Variants in TMEM39B observed in about 807,000 individuals in gnomAD.
TMEM39B encodes transmembrane protein 39B.
A neutral mutation model predicts 52.2 loss-of-function variants in TMEM39B; 23 were observed. The ratio of observed to expected loss-of-function variants is 0.44; its 90% confidence interval spans 0.32 to 0.62. The LOEUF (loss-of-function observed/expected upper bound fraction) is 0.62. Among genes scored for constraint, TMEM39B ranks in the 20% least tolerant of loss-of-function variants. The pLI, the probability that TMEM39B is intolerant of heterozygous loss-of-function variation, is 0.06. For missense variants in TMEM39B, 547 were observed against 642.0 expected, an observed-to-expected ratio of 0.85 and a Z score of 1.60; for synonymous variants, 285 against 264.0, an observed-to-expected ratio of 1.08 and a Z score of -0.77.
chr1:32,077,666 T>C (rs1639923298), intron 5 of TMEM39B, among the ~76,000 whole-genome samples: 1 of 152,098 alleles, frequency 6.6e-6, no homozygotes, highest in South Asian at 2.1e-4. Flanking sequence ...TCTCTGTGTC[T>C]CTCTTTGTGT....
Position 32,075,966 on chromosome 1 carries a change from G to A in TMEM39B, c.351+144G>A, listed in dbSNP as rs1639841208. 3 of 586,560 alleles carry A rather than the reference G, an allele frequency of 5.1e-6. No homozygotes were observed. In the East Asian group the frequency reaches 8.5e-5, roughly 17 times the overall value. 36.3% of individuals were successfully genotyped at this position (586,560 alleles called of 1,614,324 possible). A position where few individuals can be genotyped will look rare whatever the true frequency, so the allele number is the denominator to read the frequency against. Reference sequence around the variant, plus strand: ...CTCCATGCTGAACATGGAAGGTGCTGAAGGAACAGGAAACTGATGATTCAC... The same window carrying A: ...CTCCATGCTGAACATGGAAGGTGCTAAAGGAACAGGAAACTGATGATTCAC... On this transcript the variant is annotated intron_variant, in intron 3 of 8. Coordinates refer to ENST00000336294, the MANE Select transcript of TMEM39B (RefSeq NM_018056.4).
intron 1 of TMEM39B, 106 bp downstream of exon 1, chr1:32,073,157 G>C (rs1400264252): frequency 6.0e-6 from 8 of 1,339,136 alleles, no homozygotes; most frequent in Middle Eastern, 2.1e-4. Flanking sequence ...GGTGACGGGA[G>C]GGGGAGGGGA....
rs200537356 is a variant in TMEM39B at position 32,102,383 on chromosome 1, A to G, written c.1237-48A>G. 27 of 1,579,678 alleles carry G rather than the reference A, an allele frequency of 1.7e-5. No homozygotes were observed. The African/African-American group carries it at 3.2e-4, about 19-fold the overall frequency. On this transcript the variant is annotated intron_variant, in intron 8 of 8. Coordinates refer to ENST00000336294, the MANE Select transcript of TMEM39B (RefSeq NM_018056.4). ...CACCCAGAACCCCCATCCAGGAGGAAGATTTCTGGAGCACACCTTTTAGCC... is the reference window on the plus strand; with the variant it reads ...CACCCAGAACCCCCATCCAGGAGGAGGATTTCTGGAGCACACCTTTTAGCC...
chr1:32,094,699 C>A, intron 6 of TMEM39B, 85 bp from the exon 7 acceptor site: 1 of 1,482,798 alleles, frequency 6.7e-7, no homozygotes, highest in Non-Finnish European at 9.3e-7. Context: ...CTGTCCTAAC[C>A]TCTCAGTCAG....
At position 32,075,829 on chromosome 1, in the gene TMEM39B, A is replaced by C; in HGVS notation, c.351+7A>C. On this transcript the variant is annotated splice_region_variant and intron_variant, in intron 3 of 8. Transcript: ENST00000336294. Reference sequence around the variant, plus strand: ...ACCCTCCCACACCTCCCTGGTAGGTACCCAACAAGGGTGTGTGTGTGTGTG... The same window carrying C: ...ACCCTCCCACACCTCCCTGGTAGGTCCCCAACAAGGGTGTGTGTGTGTGTG... The C allele has an allele frequency of 7.0e-7, 1 of 1,426,726 alleles. No homozygotes were observed. The highest frequency in any genetic ancestry group is 9.4e-7 in the Non-Finnish European group (1 of 1,058,858). The allele number at this position is 1,426,726 out of a possible 1,614,324, so 88.4% of individuals were successfully genotyped here.
intron 5 of TMEM39B, among the ~76,000 whole-genome samples, chr1:32,091,219 T>C (rs1640589921): frequency 1.3e-5 from 2 of 152,146 alleles, no homozygotes; most frequent in Admixed American, 6.6e-5. Context: ...GTGTAAGCTT[T>C]GGGAATTTAC....
At position 32,076,807 on chromosome 1, in the gene TMEM39B, C is replaced by T. The variant is rs767866905; in HGVS notation, c.396C>T (p.Ile132=). Residue 132 remains isoleucine, a synonymous_variant, in exon 4 of 9, where the codon ATC becomes ATT. Coordinates refer to ENST00000336294, the MANE Select transcript of TMEM39B (RefSeq NM_018056.4). ...TCAACTTGCTGATGGTGACCACCAT[C>T]GTTCTGGGCCGCCGCTTCATTGGGT... ...IDFNLLMVTT[I]VLGRRFIGSI... The T allele has an allele frequency of 5.0e-6, 8 of 1,613,994 alleles. No individual in the cohort carries two copies. The highest frequency in any genetic ancestry group is 3.3e-5 in the South Asian group (3 of 91,070).
At chr1:32,100,671 A>G in intron 8 of TMEM39B, 109 bp downstream of exon 8, 3 of 1,459,862 alleles carry the variant, frequency 2.1e-6, no homozygotes, top group Non-Finnish European at 2.8e-6. Context: ...GTATTTCCCC[A>G]ATCCAAAGGA....
chr1:32,080,713 A>G (rs1640060203), intron 5 of TMEM39B, among the ~76,000 whole-genome samples: 1 of 151,002 alleles, frequency 6.6e-6, no homozygotes, highest in Non-Finnish European at 1.5e-5. Flanking sequence ...TTAATTTGAC[A>G]GTTTATGGTT....
At chr1:32,094,655 CT>C in intron 6 of TMEM39B, 128 bp from the exon 7 acceptor site, 1 of 1,035,538 alleles carries the variant, frequency 9.7e-7, no homozygotes, top group Non-Finnish European at 1.4e-6. Flanking sequence ...GTGTTTGATT[CT>C]TGGTTTCAGG....
rs965499225 is a variant in TMEM39B at position 32,096,451 on chromosome 1, C to CTT, written c.1115+1505_1115+1506dup. 7.1e-3 allele frequency among the ~76,000 whole-genome samples: 743 copies of CTT among 105,022 alleles called. 117 individuals are homozygous for CTT. The highest frequency in any genetic ancestry group is 0.028 in the African/African-American group (650 of 23,550). 68.9% of individuals were successfully genotyped at this position (105,022 alleles called of 152,430 possible). The stretch of plus-strand genomic sequence containing the variant: ...CTAGCACTCAGTTGTCTCCTCTGGC[C>CTT]TTTTTTTTTTTTTTTTTTTTTTTTT... On this transcript the variant is annotated intron_variant, in intron 7 of 8. Transcript: ENST00000336294.
intron 6 of TMEM39B, 106 bp from the exon 7 acceptor site, chr1:32,094,678 T>G: frequency 8.1e-7 from 1 of 1,231,960 alleles, no homozygotes; most frequent in Non-Finnish European, 1.2e-6. Flanking sequence ...TATTCTGAGG[T>G]CTCCCCAGGA....
intron 6 of TMEM39B, among the ~76,000 whole-genome samples, chr1:32,093,399 C>CTTTTTTTTTT (rs34793281): frequency 2.0e-5 from 1 of 50,328 alleles, no homozygotes; most frequent in African/African-American, 5.4e-5. Context: ...AAGCCCGGCC[C>CTTTTTTTTTT]TTTTTTTTTT....
At chr1:32,078,910 G>C (rs1182030810) in intron 5 of TMEM39B, among the ~76,000 whole-genome samples, 2 of 151,852 alleles carry the variant, frequency 1.3e-5, no homozygotes, top group Admixed American at 1.3e-4. Flanking sequence ...CAAAGTGCTG[G>C]GATTACAGAT....
At chr1:32,073,149 T>TGACGGGAGGGGGAGGGGATGCGAGCGCA in intron 1 of TMEM39B, 98 bp downstream of exon 1, 1 of 1,340,796 alleles carries the variant, frequency 7.5e-7, no homozygotes, top group Non-Finnish European at 9.7e-7. Flanking sequence ...AGGAGCCCGG[T>TGACGGGAGGGGGAGGGGATGCGAGCGCA]GACGGGAGGG....
At chr1:32,073,371 T>G in intron 1 of TMEM39B, 1 of 382,232 alleles carries the variant, frequency 2.6e-6, no homozygotes, top group Non-Finnish European at 4.2e-6. Context: ...GGGTGGAGAT[T>G]CTGGGCAGGG....
Position 32,099,571 on chromosome 1 carries a change from TG to T in TMEM39B, c.1116-868del, listed in dbSNP as rs1640941526. On this transcript the variant is annotated intron_variant, in intron 7 of 8. Coordinates refer to ENST00000336294, the MANE Select transcript of TMEM39B (RefSeq NM_018056.4). The stretch of plus-strand genomic sequence containing the variant: ...AGAGCTTACCAGAAGGATTAGGCTT[TG>T]GGAAGGGCAATCCAATTGGAGGGAG... Among the ~76,000 whole-genome samples the T allele has an allele frequency of 2.0e-5, 3 of 152,190 alleles. No individual in the cohort carries two copies. In the South Asian group the frequency reaches 6.2e-4, roughly 32 times the overall value.
intron 1 of TMEM39B, 194 bp downstream of exon 1, chr1:32,073,245 C>G: frequency 6.3e-6 from 3 of 477,260 alleles, no homozygotes; most frequent in East Asian, 6.5e-5. Context: ...GGACATTGGA[C>G]GGTGGGCGGG....
chr1:32,102,763 C>A lies in TMEM39B; in HGVS notation c.*90C>A. ...TGGGTAGAAGTGGTGGTGGGGGGGA[C>A]AAAAGACAAAAAAATCCACCAGAGC... On this transcript the variant is annotated 3_prime_UTR_variant, in exon 9 of 9. Coordinates refer to ENST00000336294, the MANE Select transcript of TMEM39B (RefSeq NM_018056.4). 7 of 1,344,374 alleles carry A rather than the reference C, an allele frequency of 5.2e-6. No homozygotes were observed. The highest frequency in any genetic ancestry group is 2.0e-4 in the Middle Eastern group (1 of 5,046). The allele number at this position is 1,344,374 out of a possible 1,614,324, so 83.3% of individuals were successfully genotyped here. A position where few individuals can be genotyped will look rare whatever the true frequency, so the allele number is the denominator to read the frequency against.
Sources: gnomAD v4.1 joint callset for allele counts (sites outside exome capture counted in the v4.1 genomes callset) on GRCh38, gnomAD v4.1.1 for gene constraint, MANE v1.5 for transcripts, NCBI Gene and HGNC (gene_info 2026-07-23, HGNC 2026-07-21) for gene names.